Variants in HELLS observed in about 807,000 individuals in gnomAD.
HELLS encodes helicase, lymphoid specific.
Under a neutral mutation model 120.0 loss-of-function variants are expected in HELLS, and 32 were observed. The observed-to-expected ratio is 0.27, with a 90% confidence interval of 0.20 to 0.36. The LOEUF (loss-of-function observed/expected upper bound fraction) is 0.36. HELLS is among the 10% of genes least tolerant of loss of function. The probability of loss-of-function intolerance (pLI) is 1.00; values close to 1 mark genes in which losing one functional copy is unlikely to be tolerated. For missense variants in HELLS, 650 were observed against 993.4 expected, an observed-to-expected ratio of 0.65 and a Z score of 4.65; for synonymous variants, 341 against 323.4, an observed-to-expected ratio of 1.05 and a Z score of -0.58.
chr10:94,595,353 A>G (rs1413048793), intron 19 of HELLS, among the ~76,000 whole-genome samples: 3 of 152,202 alleles, frequency 2.0e-5, no homozygotes, highest in Non-Finnish European at 4.4e-5. Flanking sequence ...GTAGATATGT[A>G]GATGAAGAGC....
intron 2 of HELLS, among the ~76,000 whole-genome samples, chr10:94,549,987 C>T (rs1842904622): frequency 6.6e-6 from 1 of 152,126 alleles, no homozygotes; most frequent in Non-Finnish European, 1.5e-5. Flanking sequence ...ATGGCGCAGT[C>T]TCGGCTCACT....
At chr10:94,569,715 C>T (rs1008284043) in intron 6 of HELLS, 1 of 152,044 alleles carries the variant, frequency 6.6e-6, no homozygotes, top group Non-Finnish European at 1.5e-5. Flanking sequence ...AGTAGTAGTG[C>T]AGGGACTATA....
chr10:94,576,962 T>C, intron 10 of HELLS, 157 bp downstream of exon 10: 1 of 631,962 alleles, frequency 1.6e-6, no homozygotes, highest in East Asian at 2.8e-5. Context: ...TGGAAACTTT[T>C]ATTAACAGAA....
intron 10 of HELLS, among the ~76,000 whole-genome samples, chr10:94,578,861 T>C (rs1298933769): frequency 6.6e-6 from 1 of 151,576 alleles, no homozygotes; most frequent in Non-Finnish European, 1.5e-5. Context: ...TTCACAATAG[T>C]GTTCATGCTC....
intron 6 of HELLS, among the ~76,000 whole-genome samples, chr10:94,568,617 A>G (rs1843959973): frequency 6.6e-6 from 1 of 152,204 alleles, no homozygotes; most frequent in South Asian, 2.1e-4. Flanking sequence ...TCTGAAACTC[A>G]AATATAATTA....
chr10:94,564,819 T>TACTG (rs1210429126), intron 6 of HELLS, among the ~76,000 whole-genome samples: 2 of 152,090 alleles, frequency 1.3e-5, no homozygotes, highest in Non-Finnish European at 2.9e-5. Context: ...GGTCTTGAAC[T>TACTG]ACTGACCTCA....
At chr10:94,605,029 G>T (rs972988281), downstream of HELLS, among the ~76,000 whole-genome samples, 5 of 146,792 alleles carry the variant, frequency 3.4e-5, no homozygotes, top group Admixed American at 2.0e-4. Flanking sequence ...ATTCCTGTTG[G>T]CTGTTTCATG....
At chr10:94,593,636 G>A (rs993204448) in intron 18 of HELLS, 21 bp downstream of exon 18, 3 of 1,330,998 alleles carry the variant, frequency 2.3e-6, no homozygotes, top group African/African-American at 2.9e-5. Flanking sequence ...AGTATAGCAA[G>A]GAATATGCTG....
intron 18 of HELLS, among the ~76,000 whole-genome samples, chr10:94,594,076 A>G (rs766414610): frequency 6.6e-6 from 1 of 151,680 alleles, no homozygotes; most frequent in Non-Finnish European, 1.5e-5. Context: ...GCCATTCTGA[A>G]TTTTTAATTT....
chr10:94,602,449 A>G (rs4918418), downstream of HELLS, among the ~76,000 whole-genome samples: 58,017 of 152,026 alleles, frequency 0.38, 11,474 homozygotes, highest in East Asian at 0.68. Flanking sequence ...AGGCCAAAAG[A>G]GGCACAATTT....
At chr10:94,554,434 C>A (rs533439967) in intron 3 of HELLS, among the ~76,000 whole-genome samples, 186 bp downstream of exon 3, 2 of 152,124 alleles carry the variant, frequency 1.3e-5, no homozygotes, top group Non-Finnish European at 2.9e-5. Flanking sequence ...TCCATGAACT[C>A]CAAAAAATTG....
downstream of HELLS, among the ~76,000 whole-genome samples, chr10:94,606,593 TC>T (rs1846132315): frequency 6.6e-6 from 1 of 152,136 alleles, no homozygotes; most frequent in African/African-American, 2.4e-5. Context: ...CAGAGGGTCC[TC>T]CTATGTTTGC....
chr10:94,565,105 G>A (rs1245725212), intron 6 of HELLS, among the ~76,000 whole-genome samples: 1 of 152,218 alleles, frequency 6.6e-6, no homozygotes, highest in Non-Finnish European at 1.5e-5. Context: ...GGGAGGCTGA[G>A]GCGGGTGGAT....
intron 12 of HELLS, chr10:94,583,998 C>G (rs2134086462): frequency 1.5e-6 from 1 of 648,110 alleles, no homozygotes; most frequent in African/African-American, 1.8e-5. Flanking sequence ...GAAAGAATTC[C>G]TAGAATGTAT....
At position 94,601,555 on chromosome 10, in the gene HELLS, A is replaced by G; in HGVS notation, c.2450A>G (p.Lys817Arg). Residue 817 changes from lysine (K) to arginine (R), a missense_variant, in exon 22 of 22, where the codon AAA becomes AGA. Physicochemically the swap from Lys to Arg is conservative, Grantham distance 26. Coordinates refer to ENST00000348459, the MANE Select transcript of HELLS (RefSeq NM_018063.5). ...CAAATGAATGCTTCAGGACCAATTAAAGAGAAGATGGGGATATTCAAGATA... is the reference window on the plus strand; with the variant it reads ...CAAATGAATGCTTCAGGACCAATTAGAGAGAAGATGGGGATATTCAAGATA... ...IDQMNASGPI[K>R]EKMGIFKILE... is the part of the protein sequence containing the mutation. 6.3e-7 allele frequency: 1 copy of G among 1,578,314 alleles called. No individual in the cohort carries two copies. The highest frequency in any genetic ancestry group is 8.7e-7 in the Non-Finnish European group (1 of 1,151,824).
At chr10:94,584,454 G>A (rs1392877075) in intron 12 of HELLS, among the ~76,000 whole-genome samples, 3 of 152,014 alleles carry the variant, frequency 2.0e-5, no homozygotes, top group African/African-American at 7.2e-5. Flanking sequence ...AGTTATAGAA[G>A]CTTTTAAATG....
At chr10:94,606,155 A>G (rs1359263), downstream of HELLS, among the ~76,000 whole-genome samples, 55,475 of 146,822 alleles carry the variant, frequency 0.38, 10,737 homozygotes, top group East Asian at 0.69. Flanking sequence ...CTTTCCCCCT[A>G]TGTCACTCAA....
chr10:94,568,982 C>T (rs1361665058), intron 6 of HELLS, among the ~76,000 whole-genome samples: 1 of 151,836 alleles, frequency 6.6e-6, no homozygotes, highest in Non-Finnish European at 1.5e-5. Flanking sequence ...GCTGGGATTA[C>T]AGGCATGTGC....
chr10:94,562,936 A>T, intron 6 of HELLS, 60 bp downstream of exon 6: 1 of 958,332 alleles, frequency 1.0e-6, no homozygotes, highest in Admixed American at 2.2e-5. Context: ...TAGGTTTTAA[A>T]CCACCTTAAA....
Sources: allele counts gnomAD v4.1 joint callset (sites outside exome capture counted in the v4.1 genomes callset), GRCh38; gene constraint gnomAD v4.1.1; transcripts MANE v1.5; gene names NCBI Gene and HGNC (gene_info 2026-07-23, HGNC 2026-07-21).